Variants in COG3 observed in about 807,000 individuals in gnomAD.
COG3 encodes component of oligomeric golgi complex 3.
A neutral mutation model predicts 114.1 loss-of-function variants in COG3; 32 were observed. The ratio of observed to expected loss-of-function variants is 0.28; its 90% CI spans 0.21 to 0.38. COG3 has a LOEUF of 0.38. Ranked by LOEUF, COG3 falls within the 10% of genes least tolerant of loss-of-function variation. The pLI, the probability that COG3 is intolerant of heterozygous loss-of-function variation, is 1.00. For missense variants in COG3, 813 were observed against 973.2 expected (o/e 0.84, Z 2.19); for synonymous variants, 352 against 365.7 (o/e 0.96, Z 0.43).
chr13:45,509,699 A>G lies in COG3; in HGVS notation c.1602A>G (p.Thr534=). The part of the protein sequence containing the change: ...ESNSLTKSGS[T]ESLNPRPQTT... ...TTTCCACTTGGGTTTTAGGTTCAAC[A>G]GAATCCCTCAATCCTAGACCACAGA... The change falls in exon 15 of 23, where the codon ACA becomes ACG. Residue 534 remains threonine, a synonymous_variant. Transcript: ENST00000349995. The G allele has an allele frequency of 2.5e-6, 4 of 1,613,806 alleles. No individual in the cohort carries two copies. The highest frequency in any genetic ancestry group is 3.4e-6 in the Non-Finnish European group (4 of 1,179,834).
Position 45,478,889 on chromosome 13 carries a change from C to T in COG3, c.322-116C>T, listed in dbSNP as rs957417088. Reference sequence around the variant, plus strand: ...TGGCCTAAAACTGATTATGTCTGAGCCCTAAGCAATAAAACTTGGATAACG... The same window carrying T: ...TGGCCTAAAACTGATTATGTCTGAGTCCTAAGCAATAAAACTTGGATAACG... On this transcript the variant is annotated intron_variant, in intron 2 of 22. Coordinates refer to ENST00000349995, the MANE Select transcript of COG3 (RefSeq NM_031431.4). The T allele has an allele frequency of 3.7e-5, 26 of 709,240 alleles. No individual in the cohort carries two copies. In the East Asian group the frequency reaches 6.6e-4, roughly 18 times the overall value. 43.9% of individuals were successfully genotyped at this position (709,240 alleles called of 1,614,324 possible).
intron 20 of COG3, among the ~76,000 whole-genome samples, chr13:45,527,959 T>A (rs1872832997): frequency 6.6e-6 from 1 of 152,170 alleles, no homozygotes; most frequent in African/African-American, 2.4e-5. Flanking sequence ...GGGATGGGAT[T>A]TGCTGGGCTG....
chr13:45,499,456 C>T (rs969420063), intron 13 of COG3, among the ~76,000 whole-genome samples: 5 of 152,076 alleles, frequency 3.3e-5, no homozygotes, highest in African/African-American at 1.2e-4. Flanking sequence ...GATTTTTGCC[C>T]ATGTAAGTTT....
At chr13:45,524,815 A>G (rs1566272490) in intron 19 of COG3, among the ~76,000 whole-genome samples, 161 bp from the exon 20 acceptor site, 1 of 135,396 alleles carries the variant, frequency 7.4e-6, no homozygotes, top group Non-Finnish European at 1.7e-5. Context: ...ATTATGAGAT[A>G]ATGCATTTTT....
intron 13 of COG3, among the ~76,000 whole-genome samples, chr13:45,500,933 C>A (rs116852124): frequency 3.3e-5 from 5 of 152,134 alleles, no homozygotes; most frequent in African/African-American, 4.8e-5. Context: ...TTATACAATG[C>A]CCCTTTGTTG....
At chr13:45,526,076 A>ATTTTTTTTTT (rs386379016) in intron 20 of COG3, among the ~76,000 whole-genome samples, 1,040 of 56,598 alleles carry the variant, frequency 0.018, 152 homozygotes, top group Middle Eastern at 0.065. Flanking sequence ...CAAAATTTTA[A>ATTTTTTTTTT]TTTTTTTTTT....
chr13:45,523,201 A>G (rs763237295), intron 19 of COG3, among the ~76,000 whole-genome samples: 7 of 151,262 alleles, frequency 4.6e-5, no homozygotes, highest in Non-Finnish European at 7.4e-5. Context: ...TCAGACTTAT[A>G]TATAGAAAAT....
intron 4 of COG3, among the ~76,000 whole-genome samples, chr13:45,480,500 T>G (rs984029486): frequency 6.6e-6 from 1 of 152,256 alleles, no homozygotes; most frequent in African/African-American, 2.4e-5. Context: ...TTTTGAGCTG[T>G]TAGGTCTCAG....
chr13:45,531,514 T>TC (rs1011563083), intron 22 of COG3, among the ~76,000 whole-genome samples: 6 of 151,058 alleles, frequency 4.0e-5, no homozygotes, highest in Non-Finnish European at 8.9e-5. Flanking sequence ...GTTTTTGTTT[T>TC]GTTTTGTTTT....
chr13:45,491,600 A>G, intron 10 of COG3, 62 bp downstream of exon 10: 1 of 1,501,032 alleles, frequency 6.7e-7, no homozygotes, highest in Non-Finnish European at 9.1e-7. Context: ...TTGATATCCT[A>G]GAAACTATAC....
chr13:45,513,600 C>T (rs529133546), intron 16 of COG3, among the ~76,000 whole-genome samples: 1 of 147,720 alleles, frequency 6.8e-6, no homozygotes, highest in East Asian at 1.9e-4. Context: ...TATCTCTCCA[C>T]AGAATAATTT....
intron 13 of COG3, among the ~76,000 whole-genome samples, chr13:45,497,103 G>A (rs1868887943): frequency 1.3e-5 from 2 of 152,204 alleles, no homozygotes; most frequent in African/African-American, 2.4e-5. Flanking sequence ...GGTTGATAAT[G>A]TAGAAGCCAC....
In COG3 at chr13:45,483,375, CA is replaced by C; in HGVS notation, c.843+22del. The C allele has an allele frequency of 6.5e-7, 1 of 1,533,896 alleles. No homozygotes were observed. Among genetic ancestry groups the C allele is most frequent in the South Asian group, 1.3e-5 (1 of 78,654 alleles). On this transcript the variant is annotated intron_variant, in intron 7 of 22. Transcript: ENST00000349995. ...AAAAGGGTGAGTTAACTGATCTCAA[CA>C]ACAGGTTTTTGTTATTGTTGTTGTT...
intron 1 of COG3, among the ~76,000 whole-genome samples, chr13:45,473,262 T>C (rs2137780017): frequency 6.6e-6 from 1 of 152,324 alleles, no homozygotes; most frequent in South Asian, 2.1e-4. Flanking sequence ...GAGGTGCCTG[T>C]CGCTCCCCAG....
chr13:45,491,044 T>A, intron 9 of COG3, 86 bp downstream of exon 9: 1 of 887,562 alleles, frequency 1.1e-6, no homozygotes, highest in East Asian at 2.5e-5. Flanking sequence ...TGATATTTTA[T>A]GAGCAATTGC....
rs1402538555 is a variant in COG3, at chr13:45,529,938, T to A, written c.2358+20T>A. Reference sequence around the variant, plus strand: ...GTGAGGGTGAGTATCAGATAACTCATTTGAATGTTGGCGGGTGACTTCAAG... The same window carrying A: ...GTGAGGGTGAGTATCAGATAACTCAATTGAATGTTGGCGGGTGACTTCAAG... On this transcript the variant is annotated intron_variant, in intron 21 of 22. Transcript: ENST00000349995. 1 of 1,591,312 alleles carries A rather than the reference T, an allele frequency of 6.3e-7. No homozygotes were observed. The highest frequency in any genetic ancestry group is 8.5e-7 in the Non-Finnish European group (1 of 1,171,740).
At chr13:45,510,265 ACTACT>A (rs1404725765) in intron 15 of COG3, among the ~76,000 whole-genome samples, 38 of 152,186 alleles carry the variant, frequency 2.5e-4, no homozygotes, top group Non-Finnish European at 8.8e-5. Context: ...TAGAATGTAC[ACTACT>A]CTATATTTAA....
intron 13 of COG3, among the ~76,000 whole-genome samples, chr13:45,500,659 G>T (rs1371827086): frequency 6.6e-6 from 1 of 152,168 alleles, no homozygotes; most frequent in Non-Finnish European, 1.5e-5. Flanking sequence ...TCTTCTGTTG[G>T]TATGATACAT....
chr13:45,501,918 A>G (rs1869582146), intron 13 of COG3, among the ~76,000 whole-genome samples: 2 of 152,200 alleles, frequency 1.3e-5, no homozygotes. Context: ...TCTGACTTCT[A>G]TTTAAACTTA....
Sources: allele counts gnomAD v4.1 joint callset (sites outside exome capture counted in the v4.1 genomes callset), GRCh38; gene constraint gnomAD v4.1.1; transcripts MANE v1.5; gene names NCBI Gene and HGNC (gene_info 2026-07-23, HGNC 2026-07-21).